Variants in PDE4B observed in about 807,000 individuals in gnomAD.
PDE4B encodes the protein phosphodiesterase 4B, also known as 3',5'-cyclic-AMP phosphodiesterase 4B.
PDE4B carries 20 observed loss-of-function variants against 82.2 expected under a neutral mutation model. The ratio of observed to expected loss-of-function variants is 0.24; its 90% confidence interval spans 0.17 to 0.35. The LOEUF (loss-of-function observed/expected upper bound fraction) is 0.35. Ranked by LOEUF, PDE4B falls within the 10% of genes least tolerant of loss-of-function variation. PDE4B has a pLI of 1.00. For missense variants in PDE4B, 655 were observed against 907.2 expected (o/e 0.72, Z 3.57); for synonymous variants, 320 against 318.9 (o/e 1.00, Z -0.04).
chr1:66,310,465 T>G (rs1658588138), intron 7 of PDE4B, among the ~76,000 whole-genome samples: 1 of 152,224 alleles, frequency 6.6e-6, no homozygotes. Context: ...ATGGAATCCC[T>G]TGGACAATGC....
At chr1:66,030,345 T>A (rs1036885190) in intron 3 of PDE4B, among the ~76,000 whole-genome samples, 3 of 152,178 alleles carry the variant, frequency 2.0e-5, no homozygotes, top group Non-Finnish European at 4.4e-5. Context: ...GATTTTGGTA[T>A]CAGGAAGATG....
rs1438324611 is a variant in PDE4B at position 66,368,914 on chromosome 1, G to A, written c.1790G>A (p.Gly597Glu). 1 of 1,613,446 alleles carries A rather than the reference G, an allele frequency of 6.2e-7. No individual in the cohort carries two copies. Among genetic ancestry groups the A allele is most frequent in the Non-Finnish European group, 8.5e-7 (1 of 1,179,664 alleles). The change falls in exon 16 of 17, where the codon GGA (glycine) becomes GAA (glutamate). Residue 597 changes from glycine (G) to glutamate (E), a missense_variant. Gly to Glu is a moderately conservative substitution (Grantham distance 98, BLOSUM62 -2). This residue lies in a region of PDE4B where 283 missense variants were observed against 516.4 expected (regional missense o/e 0.55). Coordinates refer to ENST00000341517, the MANE Select transcript of PDE4B (RefSeq NM_002600.4). ...FQQGDKERER[G>E]MEISPMCDKH... ...CAGGGAGACAAAGAGCGGGAGAGGGGAATGGAAATTAGCCCAATGTGTGAT... is the reference window on the plus strand; with the variant it reads ...CAGGGAGACAAAGAGCGGGAGAGGGAAATGGAAATTAGCCCAATGTGTGAT...
intron 1 of PDE4B, among the ~76,000 whole-genome samples, chr1:65,832,122 C>A (rs143699354): frequency 6.6e-6 from 1 of 152,066 alleles, no homozygotes; most frequent in Non-Finnish European, 1.5e-5. Flanking sequence ...TCTTTGGACT[C>A]CTAATGATAG....
chr1:65,820,996 A>G (rs1341067754), intron 1 of PDE4B, among the ~76,000 whole-genome samples: 2 of 152,200 alleles, frequency 1.3e-5, no homozygotes, highest in Admixed American at 6.5e-5. Flanking sequence ...TTTTCCTTAG[A>G]GCCTCAGAAT....
intron 1 of PDE4B, among the ~76,000 whole-genome samples, chr1:65,847,448 A>T (rs139578087): frequency 9.5e-4 from 145 of 152,342 alleles, no homozygotes; most frequent in Non-Finnish European, 1.9e-3. Context: ...ATTCAAACAT[A>T]TGAGCAGATT....
chr1:65,865,581 G>A (rs1261385461), intron 1 of PDE4B, among the ~76,000 whole-genome samples: 6 of 152,134 alleles, frequency 3.9e-5, no homozygotes, highest in South Asian at 2.1e-4. Context: ...TGGGAAAAGC[G>A]TGCTAGGTGG....
In PDE4B at chr1:66,090,434, T is replaced by C. The variant is rs1479737203; in HGVS notation, c.282-157026T>C. 5.9e-5 allele frequency among the ~76,000 whole-genome samples: 9 copies of C among 151,752 alleles called. No homozygotes were observed. The East Asian group carries it at 1.7e-3, about 29-fold the overall frequency. On this transcript the variant is annotated intron_variant, in intron 3 of 16. Coordinates refer to ENST00000341517, the MANE Select transcript of PDE4B (RefSeq NM_002600.4). ...AATATGATATTTTTGAGGGGAACTTTGGGTGGCCTATCACCTCATACTCTT... is the reference window on the plus strand; with the variant it reads ...AATATGATATTTTTGAGGGGAACTTCGGGTGGCCTATCACCTCATACTCTT...
intron 3 of PDE4B, among the ~76,000 whole-genome samples, chr1:66,168,278 A>G (rs2101317509): frequency 6.6e-6 from 1 of 152,320 alleles, no homozygotes; most frequent in South Asian, 2.1e-4. Context: ...TCCTGGAGTC[A>G]CATTCTAGTG....
chr1:65,887,788 G>C (rs912759561), intron 1 of PDE4B, among the ~76,000 whole-genome samples: 8 of 151,758 alleles, frequency 5.3e-5, no homozygotes, highest in African/African-American at 1.9e-4. Context: ...TTATGTGCTT[G>C]CCCATTTTTC....
chr1:66,304,162 G>A (rs1010080355), intron 7 of PDE4B, among the ~76,000 whole-genome samples: 5 of 152,112 alleles, frequency 3.3e-5, no homozygotes, highest in African/African-American at 1.2e-4. Flanking sequence ...AAATGAATTT[G>A]TCCAATCTTG....
chr1:66,132,922 A>G (rs1645979897), intron 3 of PDE4B, among the ~76,000 whole-genome samples: 1 of 152,110 alleles, frequency 6.6e-6, no homozygotes, highest in South Asian at 2.1e-4. Flanking sequence ...GGACTAGGGG[A>G]CTCAGATAGA....
intron 3 of PDE4B, among the ~76,000 whole-genome samples, chr1:66,234,273 C>T (rs1332495121): frequency 6.6e-6 from 1 of 152,124 alleles, no homozygotes; most frequent in Non-Finnish European, 1.5e-5. Context: ...TTGAAGTTGT[C>T]AAATGTACTG....
chr1:66,196,736 A>G (rs1648329855), intron 3 of PDE4B, among the ~76,000 whole-genome samples: 1 of 144,140 alleles, frequency 6.9e-6, no homozygotes, highest in Admixed American at 7.2e-5. Flanking sequence ...GCATATTCTC[A>G]CTCATAGGTG....
At chr1:66,193,844 T>C (rs1264683691) in intron 3 of PDE4B, among the ~76,000 whole-genome samples, 4 of 152,108 alleles carry the variant, frequency 2.6e-5, no homozygotes, top group Non-Finnish European at 5.9e-5. Flanking sequence ...ACTGAAATCA[T>C]TATAGTGATA....
intron 3 of PDE4B, among the ~76,000 whole-genome samples, chr1:65,966,808 T>C (rs1333089054): frequency 1.3e-5 from 2 of 152,088 alleles, no homozygotes; most frequent in South Asian, 2.1e-4. Flanking sequence ...ATTTAATAAA[T>C]GGTGTTGGGA....
chr1:66,079,166 T>TTCTCTCTCTCTCTCTCTCTCTC (rs148765561), intron 3 of PDE4B, among the ~76,000 whole-genome samples: 2 of 142,210 alleles, frequency 1.4e-5, no homozygotes, highest in African/African-American at 5.4e-5. Flanking sequence ...CCTGCTTCTT[T>TTCTCTCTCTCTCTCTCTCTCTC]TCTCTCTCTC....
At chr1:66,216,083 A>G (rs1650434192) in intron 3 of PDE4B, among the ~76,000 whole-genome samples, 1 of 152,090 alleles carries the variant, frequency 6.6e-6, no homozygotes, top group Non-Finnish European at 1.5e-5. Flanking sequence ...TTATGTGTCA[A>G]TTGACTGGAC....
At chr1:65,823,998 A>T (rs1339430292) in intron 1 of PDE4B, among the ~76,000 whole-genome samples, 1 of 152,122 alleles carries the variant, frequency 6.6e-6, no homozygotes, top group Admixed American at 6.5e-5. Context: ...ACCTGGTGTT[A>T]TAGTTGTCTT....
chr1:65,812,065 C>T (rs1307151767), intron 1 of PDE4B, among the ~76,000 whole-genome samples: 1 of 152,172 alleles, frequency 6.6e-6, no homozygotes, highest in African/African-American at 2.4e-5. Flanking sequence ...TTTCATTTCA[C>T]TAAAGAAGTT....
Sources: gnomAD v4.1 joint callset for allele counts (sites outside exome capture counted in the v4.1 genomes callset) on GRCh38, gnomAD v4.1.1 for gene constraint, gnomAD v4.1.1 regional missense constraint, MANE v1.5 for transcripts, NCBI Gene and HGNC (gene_info 2026-07-23, HGNC 2026-07-21) for gene names.